Variants in ITGA9 observed in about 807,000 individuals in gnomAD.
ITGA9 encodes the protein integrin alpha-9.
ITGA9 carries 56 observed loss-of-function variants against 127.8 expected under a neutral mutation model. The observed-to-expected ratio is 0.44, with a 90% confidence interval of 0.35 to 0.55. ITGA9 has a LOEUF of 0.55. Ranked by LOEUF, ITGA9 falls within the 20% of genes least tolerant of loss-of-function variation. ITGA9 has a pLI of 0.00. For synonymous variants in ITGA9, 508 were observed against 514.5 expected, an observed-to-expected ratio of 0.99 and a Z score of 0.17; for missense variants, 1,196 against 1,347.1, an observed-to-expected ratio of 0.89 and a Z score of 1.76.
chr3:37,732,667 T>TG, intron 18 of ITGA9, 45 bp from the exon 19 acceptor site: 1 of 1,473,810 alleles, frequency 6.8e-7, no homozygotes, highest in South Asian at 1.2e-5. Flanking sequence ...CCCACACACC[T>TG]GCCTTTTGTG....
rs144137666 is a variant in ITGA9, at chr3:37,547,470, C to T, written c.1689+4885C>T. 5.6e-3 allele frequency among the ~76,000 whole-genome samples: 857 copies of T among 152,194 alleles called. 11 individuals are homozygous for T. Among genetic ancestry groups the T allele is most frequent in the African/African-American group, 0.02 (818 of 41,526 alleles). ...TTCCATTTTCATATCCAACAAAATGCCTTGGGACCATGGCTTCAATCACAT... is the reference window on the plus strand; with the variant it reads ...TTCCATTTTCATATCCAACAAAATGTCTTGGGACCATGGCTTCAATCACAT... On this transcript the variant is annotated intron_variant, in intron 15 of 27. Coordinates refer to ENST00000264741, the MANE Select transcript of ITGA9 (RefSeq NM_002207.3).
chr3:37,561,810 C>T (rs1395269564), intron 15 of ITGA9, among the ~76,000 whole-genome samples: 1 of 152,152 alleles, frequency 6.6e-6, no homozygotes. Context: ...GGAGAGGTGG[C>T]CCACAGTTCA....
intron 15 of ITGA9, among the ~76,000 whole-genome samples, chr3:37,545,648 A>G (rs971532052): frequency 6.6e-6 from 1 of 152,192 alleles, no homozygotes; most frequent in African/African-American, 2.4e-5. Flanking sequence ...TCTCTGCCTC[A>G]GAGTTCACAC....
At chr3:37,811,742 T>G (rs1697371223) in intron 27 of ITGA9, among the ~76,000 whole-genome samples, 1 of 152,196 alleles carries the variant, frequency 6.6e-6, no homozygotes, top group African/African-American at 2.4e-5. Flanking sequence ...CAAAGGGAAG[T>G]GAGACTGCTT....
intron 15 of ITGA9, among the ~76,000 whole-genome samples, chr3:37,622,187 A>T (rs1385308961): frequency 7.0e-6 from 1 of 142,892 alleles, no homozygotes; most frequent in African/African-American, 2.6e-5. Context: ...TCCCAGGTTC[A>T]CACCATTCTC....
rs539278697 is a variant in ITGA9, at chr3:37,531,794, C to T, written c.1374-1520C>T. Among the ~76,000 whole-genome samples the T allele has an allele frequency of 9.9e-5, 15 of 152,272 alleles. No homozygotes were observed. The East Asian group carries it at 1.9e-3, about 20-fold the overall frequency. The stretch of plus-strand genomic sequence containing the variant: ...TATGGGAACGAGAGGATGAATTCAC[C>T]GGATCCCAGCCCTTGCAGGGTGCTG... On this transcript the variant is annotated intron_variant, in intron 13 of 27. Transcript: ENST00000264741.
At position 37,715,599 on chromosome 3, in the gene ITGA9, A is replaced by C. The variant is rs541943971; in HGVS notation, c.2068-17113A>C. ...ATGGTAATTAAATGAGTCCATGTTTAAGGGGCACTTAAGTGGATTAAAATC... is the reference window on the plus strand; with the variant it reads ...ATGGTAATTAAATGAGTCCATGTTTCAGGGGCACTTAAGTGGATTAAAATC... On this transcript the variant is annotated intron_variant, in intron 18 of 27. Coordinates refer to ENST00000264741, the MANE Select transcript of ITGA9 (RefSeq NM_002207.3). 2.1e-3 allele frequency among the ~76,000 whole-genome samples: 321 copies of C among 152,350 alleles called. 2 individuals carry two copies. Among genetic ancestry groups the C allele is most frequent in the African/African-American group, 7.4e-3 (309 of 41,580 alleles).
At chr3:37,518,723 T>G (rs1699012273) in intron 10 of ITGA9, among the ~76,000 whole-genome samples, 2 of 150,578 alleles carry the variant, frequency 1.3e-5, no homozygotes, top group African/African-American at 4.9e-5. Flanking sequence ...GGTAGAAACT[T>G]TTTTGGAACT....
chr3:37,741,687 C>A, intron 20 of ITGA9, 43 bp from the exon 21 acceptor site: 2 of 1,474,662 alleles, frequency 1.4e-6, no homozygotes, highest in Non-Finnish European at 9.4e-7. Flanking sequence ...TGCTGGACAG[C>A]TAGTGTTGGC....
intron 23 of ITGA9, among the ~76,000 whole-genome samples, chr3:37,772,376 A>C (rs952707439): frequency 7.2e-5 from 11 of 151,898 alleles, no homozygotes; most frequent in Non-Finnish European, 1.3e-4. Flanking sequence ...CCACTGCACT[A>C]CAGCCTGGGT....
intron 26 of ITGA9, among the ~76,000 whole-genome samples, chr3:37,791,177 G>A (rs950638109): frequency 6.6e-6 from 1 of 152,178 alleles, no homozygotes; most frequent in African/African-American, 2.4e-5. Flanking sequence ...GGCAAATCAA[G>A]ACTTTATGGA....
At chr3:37,635,585 TA>T (rs1700269635) in intron 16 of ITGA9, among the ~76,000 whole-genome samples, 1 of 151,642 alleles carries the variant, frequency 6.6e-6, no homozygotes, top group African/African-American at 2.4e-5. Flanking sequence ...TATTTTATTT[TA>T]TTTTATTTTT....
intron 16 of ITGA9, among the ~76,000 whole-genome samples, chr3:37,640,173 A>C (rs1488474259): frequency 1.3e-5 from 2 of 152,180 alleles, no homozygotes; most frequent in Non-Finnish European, 2.9e-5. Context: ...GGGACTTTGC[A>C]GTTGTAATTA....
intron 17 of ITGA9, among the ~76,000 whole-genome samples, chr3:37,666,566 C>T (rs1489559849): frequency 6.6e-6 from 1 of 152,196 alleles, no homozygotes. Flanking sequence ...CGCATGGTCT[C>T]TCCTCCTCCA....
chr3:37,466,913 C>T (rs1372747842), intron 1 of ITGA9, among the ~76,000 whole-genome samples: 1 of 152,096 alleles, frequency 6.6e-6, no homozygotes, highest in South Asian at 2.1e-4. Context: ...AGAGTTGGGG[C>T]GATGTTTGAA....
intron 16 of ITGA9, among the ~76,000 whole-genome samples, chr3:37,632,905 T>G (rs536137090): frequency 6.6e-6 from 1 of 152,306 alleles, no homozygotes; most frequent in East Asian, 1.9e-4. Flanking sequence ...GTGGTAAAAA[T>G]AAAGTCACTT....
chr3:37,685,081 G>A (rs1222300494), intron 18 of ITGA9, among the ~76,000 whole-genome samples: 1 of 152,164 alleles, frequency 6.6e-6, no homozygotes, highest in East Asian at 1.9e-4. Context: ...GCATTGAACG[G>A]GGTTGCCTTG....
intron 18 of ITGA9, among the ~76,000 whole-genome samples, chr3:37,690,416 C>T (rs1234364861): frequency 2.0e-5 from 3 of 152,168 alleles, no homozygotes; most frequent in Admixed American, 6.5e-5. Flanking sequence ...AGAAATCTCC[C>T]CTCCCCACCT....
intron 15 of ITGA9, among the ~76,000 whole-genome samples, chr3:37,590,945 G>GGGTT (rs535376570): frequency 7.4e-4 from 112 of 152,268 alleles, no homozygotes; most frequent in African/African-American, 2.5e-3. Context: ...GCAGCCCTGG[G>GGGTT]GGTTATCAGG....
Sources: allele counts gnomAD v4.1 joint callset (sites outside exome capture counted in the v4.1 genomes callset), GRCh38; gene constraint gnomAD v4.1.1; transcripts MANE v1.5; gene names NCBI Gene and HGNC (gene_info 2026-07-23, HGNC 2026-07-21).